Variants in PLEKHH2 observed in about 807,000 individuals in gnomAD.
PLEKHH2 encodes the protein pleckstrin homology, MyTH4 and FERM domain containing H2.
In PLEKHH2, 129 loss-of-function variants were observed where a neutral mutation model predicts 187.9. That is an observed-to-expected ratio of 0.69 (90% confidence interval 0.59 to 0.79). The LOEUF (loss-of-function observed/expected upper bound fraction) is 0.79, where lower values mean the gene tolerates loss of function less well. Ranked by LOEUF, PLEKHH2 falls within the 30% of genes least tolerant of loss-of-function variation. The pLI, the probability that PLEKHH2 is intolerant of heterozygous loss-of-function variation, is 0.00. For synonymous variants in PLEKHH2, 686 were observed against 605.6 expected, an observed-to-expected ratio of 1.13 and a Z score of -1.95; for missense variants, 2,076 against 1,751.2, an observed-to-expected ratio of 1.19 and a Z score of -3.31.
intron 15 of PLEKHH2, among the ~76,000 whole-genome samples, chr2:43,720,454 T>C (rs1670428136): frequency 6.6e-6 from 1 of 152,176 alleles, no homozygotes. Flanking sequence ...CCCTCTACCC[T>C]GCTAGTCCAC....
chr2:43,717,250 T>A (rs1421022830), intron 15 of PLEKHH2, among the ~76,000 whole-genome samples: 1 of 152,126 alleles, frequency 6.6e-6, no homozygotes, highest in East Asian at 1.9e-4. Flanking sequence ...AAACCTTGTC[T>A]TCTCTAAAAA....
intron 9 of PLEKHH2, among the ~76,000 whole-genome samples, chr2:43,704,778 A>G (rs1043144754): frequency 2.6e-5 from 4 of 152,074 alleles, no homozygotes; most frequent in Admixed American, 2.6e-4. Context: ...TTCGCTAAGA[A>G]CTTCCTAAAT....
intron 25 of PLEKHH2, among the ~76,000 whole-genome samples, chr2:43,755,062 G>A (rs923319469): frequency 6.6e-6 from 1 of 151,692 alleles, no homozygotes; most frequent in Middle Eastern, 3.2e-3. Flanking sequence ...TAGTAGAGAC[G>A]GGGTTTCACC....
intron 15 of PLEKHH2, among the ~76,000 whole-genome samples, chr2:43,713,516 T>G (rs760211775): frequency 3.9e-5 from 6 of 152,154 alleles, no homozygotes; most frequent in Non-Finnish European, 5.9e-5. Context: ...GCTATAGAAA[T>G]ATGATGTATT....
chr2:43,716,183 G>A (rs1332352509), intron 15 of PLEKHH2, among the ~76,000 whole-genome samples: 1 of 152,086 alleles, frequency 6.6e-6, no homozygotes, highest in Non-Finnish European at 1.5e-5. Flanking sequence ...GATGTACCTT[G>A]AGTTCACAAA....
intron 3 of PLEKHH2, 139 bp from the exon 4 acceptor site, chr2:43,692,375 T>C: frequency 1.6e-6 from 1 of 617,008 alleles, no homozygotes; most frequent in Non-Finnish European, 2.7e-6. Flanking sequence ...AATCATTAAA[T>C]ATATTAAACC....
Position 43,708,359 on chromosome 2 carries a change from C to T in PLEKHH2, c.1966+814C>T, listed in dbSNP as rs371052637. Among the ~76,000 whole-genome samples the T allele has an allele frequency of 2.7e-4, 41 of 152,300 alleles. 1 individual carries two copies. In the East Asian group the frequency reaches 6.6e-3, roughly 24 times the overall value. ...TGTACTCAGCTCCAGTCTCACTGGC[C>T]CTCTTGCTGTTCTGAGACATGCCAG... On this transcript the variant is annotated intron_variant, in intron 11 of 29. Transcript: ENST00000282406.
rs569840249 is a variant in PLEKHH2, at chr2:43,721,718, T to C, written c.2541+969T>C. ...CTGGACAACATAGTGGGAACCTGTC[T>C]CTACAAAAAATTTAAAAATTAGCTG... is the stretch of plus-strand genomic sequence containing the variant. On this transcript the variant is annotated intron_variant, in intron 16 of 29. Transcript: ENST00000282406. Among the ~76,000 whole-genome samples the C allele has an allele frequency of 2.1e-3, 320 of 152,212 alleles. 1 individual carries two copies. Among genetic ancestry groups the C allele is most frequent in the African/African-American group, 7.3e-3 (303 of 41,528 alleles).
chr2:43,753,205 A>G (rs772662593), intron 24 of PLEKHH2, among the ~76,000 whole-genome samples: 6 of 152,210 alleles, frequency 3.9e-5, no homozygotes, highest in Non-Finnish European at 5.9e-5. Context: ...CCTCAGGAAC[A>G]TTTAAGGATT....
intron 2 of PLEKHH2, among the ~76,000 whole-genome samples, chr2:43,648,702 TC>T (rs1484303007): frequency 6.6e-6 from 1 of 151,580 alleles, no homozygotes; most frequent in Non-Finnish European, 1.5e-5. Context: ...CACCTCAGCC[TC>T]CCAAGTAGCT....
intron 3 of PLEKHH2, chr2:43,681,202 G>T (rs1668163816): frequency 1.5e-6 from 1 of 672,534 alleles, no homozygotes; most frequent in Non-Finnish European, 2.6e-6. Flanking sequence ...AAAGAATACA[G>T]AAAGCTGTTT....
At chr2:43,667,973 T>C (rs957989152) in intron 2 of PLEKHH2, among the ~76,000 whole-genome samples, 7 of 152,236 alleles carry the variant, frequency 4.6e-5, no homozygotes, top group African/African-American at 1.7e-4. Context: ...TTAAAAAGTT[T>C]GGAAAAATGG....
chr2:43,677,399 T>A (rs1432024766), intron 2 of PLEKHH2, among the ~76,000 whole-genome samples: 1 of 152,134 alleles, frequency 6.6e-6, no homozygotes, highest in African/African-American at 2.4e-5. Flanking sequence ...TGGTGATGAC[T>A]CTTAACGAGC....
At chr2:43,637,655 G>A (rs967555752) in intron 1 of PLEKHH2, among the ~76,000 whole-genome samples, 4 of 152,132 alleles carry the variant, frequency 2.6e-5, no homozygotes, top group African/African-American at 7.2e-5. Context: ...GTGGGCTCCC[G>A]TGACGTTCTG....
At position 43,722,919 on chromosome 2, in the gene PLEKHH2, A is replaced by G. The variant is rs116533781; in HGVS notation, c.2541+2170A>G. 5.6e-3 allele frequency among the ~76,000 whole-genome samples: 849 copies of G among 152,346 alleles called. 7 individuals carry two copies. The highest frequency in any genetic ancestry group is 0.019 in the African/African-American group (792 of 41,580). ...AAAGTATTGAGAATATATGTGAATC[A>G]TTATAGGCCTACTTCATTTTTTGCT... On this transcript the variant is annotated intron_variant, in intron 16 of 29. Transcript: ENST00000282406.
Position 43,704,074 on chromosome 2 carries a change from C to T in PLEKHH2, c.1726+18C>T. ...TAATAAAAGTAAGTGCTTTTTCATG[C>T]TGCCACCTGGATGAACCTTGAGGAC... On this transcript the variant is annotated intron_variant, in intron 9 of 29. Coordinates refer to ENST00000282406, the MANE Select transcript of PLEKHH2 (RefSeq NM_172069.4). 6.5e-7 allele frequency: 1 copy of T among 1,536,784 alleles called. No homozygotes were observed. The highest frequency in any genetic ancestry group is 9.0e-7 in the Non-Finnish European group (1 of 1,112,916).
At chr2:43,745,555 A>G (rs1558609740) in intron 23 of PLEKHH2, among the ~76,000 whole-genome samples, 1 of 152,124 alleles carries the variant, frequency 6.6e-6, no homozygotes, top group Non-Finnish European at 1.5e-5. Flanking sequence ...TTCTTCAGTG[A>G]CCAAATCATG....
intron 2 of PLEKHH2, among the ~76,000 whole-genome samples, chr2:43,664,036 T>C (rs960774292): frequency 1.2e-5 from 1 of 80,550 alleles, no homozygotes; most frequent in Admixed American, 1.2e-4. Flanking sequence ...CTTGTTGACT[T>C]TCTGTCTCAT....
chr2:43,656,834 A>G (rs1382926163), intron 2 of PLEKHH2, among the ~76,000 whole-genome samples: 1 of 152,206 alleles, frequency 6.6e-6, no homozygotes, highest in African/African-American at 2.4e-5. Flanking sequence ...CCTGGCCAAC[A>G]TGGTAAAACC....
Sources: allele counts gnomAD v4.1 joint callset (sites outside exome capture counted in the v4.1 genomes callset), GRCh38; gene constraint gnomAD v4.1.1; transcripts MANE v1.5; gene names NCBI Gene and HGNC (gene_info 2026-07-23, HGNC 2026-07-21).